STARD13: variants seen among roughly 807,000 people sequenced by gnomAD.
The protein encoded by STARD13 is stAR-related lipid transfer protein 13.
STARD13 carries 62 observed loss-of-function variants against 106.4 expected under a neutral mutation model. That is an observed-to-expected ratio of 0.58 (90% CI 0.48 to 0.72). STARD13 has a LOEUF of 0.72. Ranked by LOEUF, STARD13 falls within the 30% of genes least tolerant of loss-of-function variation. The pLI is 0.00. For synonymous variants in STARD13, 565 were observed against 553.0 expected, an observed-to-expected ratio of 1.02 and a Z score of -0.31; for missense variants, 1,387 against 1,424.0, an observed-to-expected ratio of 0.97 and a Z score of 0.42.
chr13:33,586,444 G>A, the STARD13 span, among the ~76,000 whole-genome samples: 1 of 152,176 alleles, frequency 6.6e-6, no homozygotes, highest in African/African-American at 2.4e-5. Context: ...TTTGGTGATG[G>A]TTGACATTCT....
At chr13:33,301,558 CTTTTTTTTTCTT>C (rs1566126828) in intron 1 of STARD13, among the ~76,000 whole-genome samples, 18 of 13,010 alleles carry the variant, frequency 1.4e-3, no homozygotes, top group Non-Finnish European at 3.9e-3. Context: ...GTTTCTTTTT[CTTTTTTTTTCTT>C]TTTTTTTTTT....
chr13:33,575,037 C>T, the STARD13 span, among the ~76,000 whole-genome samples: 1 of 151,534 alleles, frequency 6.6e-6, no homozygotes, highest in Non-Finnish European at 1.5e-5. Context: ...CTGCCCCAGC[C>T]TCCTGAGGAG....
At chr13:33,645,572 G>C in the STARD13 span, among the ~76,000 whole-genome samples, 1 of 152,104 alleles carries the variant, frequency 6.6e-6, no homozygotes, top group African/African-American at 2.4e-5. Context: ...TAGGAAGGAG[G>C]GCAGCACATT....
At chr13:33,213,543 C>T (rs1887845744) in intron 1 of STARD13, among the ~76,000 whole-genome samples, 2 of 152,204 alleles carry the variant, frequency 1.3e-5, no homozygotes, top group Admixed American at 1.3e-4. Flanking sequence ...GGAACCTACT[C>T]TGGCTCTCTC....
chr13:33,261,030 A>G (rs1890614770), intron 1 of STARD13, among the ~76,000 whole-genome samples: 1 of 152,180 alleles, frequency 6.6e-6, no homozygotes, highest in African/African-American at 2.4e-5. Flanking sequence ...TCATCTCTCA[A>G]TTTACAATCT....
chr13:33,524,264 A>T, the STARD13 span: 1 of 1,276,790 alleles, frequency 7.8e-7, no homozygotes, highest in Non-Finnish European at 1.0e-6. Flanking sequence ...GTTCCAGTTG[A>T]CATTTGGCTT....
the STARD13 span, among the ~76,000 whole-genome samples, chr13:33,498,605 T>C: frequency 6.6e-6 from 1 of 152,214 alleles, no homozygotes; most frequent in Non-Finnish European, 1.5e-5. Flanking sequence ...ACATATTAAA[T>C]GACAATTTAA....
chr13:33,236,517 A>C (rs1250871387), intron 1 of STARD13, among the ~76,000 whole-genome samples: 1 of 152,242 alleles, frequency 6.6e-6, no homozygotes, highest in East Asian at 1.9e-4. Flanking sequence ...AAAGATTTCC[A>C]AACTTTGGAG....
intron 12 of STARD13, among the ~76,000 whole-genome samples, chr13:33,107,566 C>T (rs928383609): frequency 1.3e-5 from 2 of 152,126 alleles, no homozygotes; most frequent in African/African-American, 4.8e-5. Context: ...TTATTGTCTT[C>T]ACATACTTGA....
the STARD13 span, among the ~76,000 whole-genome samples, chr13:33,563,219 G>GA: frequency 8.9e-5 from 13 of 146,206 alleles, 3 homozygotes; most frequent in East Asian, 4.1e-4. Context: ...CACAGAAATA[G>GA]AAAAAAAATC....
At chr13:33,578,956 C>T in the STARD13 span, among the ~76,000 whole-genome samples, 1 of 152,038 alleles carries the variant, frequency 6.6e-6, no homozygotes, top group African/African-American at 2.4e-5. Context: ...GAGATACCAC[C>T]TTACTCCAGC....
At chr13:33,464,331 T>A in the STARD13 span, among the ~76,000 whole-genome samples, 2 of 152,172 alleles carry the variant, frequency 1.3e-5, no homozygotes, top group Non-Finnish European at 2.9e-5. Context: ...CATTAAGATA[T>A]GTACAATGAA....
chr13:33,237,799 A>G (rs186054462), intron 1 of STARD13, among the ~76,000 whole-genome samples: 5 of 152,312 alleles, frequency 3.3e-5, no homozygotes, highest in Admixed American at 1.3e-4. Context: ...AACTATACCA[A>G]TTGGGTTGAG....
chr13:33,217,149 C>T (rs947555514), intron 1 of STARD13, among the ~76,000 whole-genome samples: 13 of 152,190 alleles, frequency 8.5e-5, no homozygotes, highest in African/African-American at 2.4e-5. Flanking sequence ...GGCCTCTGGA[C>T]ATGGTACTAT....
chr13:33,488,271 T>C, the STARD13 span, among the ~76,000 whole-genome samples: 1 of 152,166 alleles, frequency 6.6e-6, no homozygotes, highest in Non-Finnish European at 1.5e-5. Flanking sequence ...GAGGGCCACC[T>C]TAGAGGTCTA....
chr13:33,305,324 A>C (rs952186125), intron 1 of STARD13, among the ~76,000 whole-genome samples: 1 of 152,250 alleles, frequency 6.6e-6, no homozygotes. Flanking sequence ...ATCCAGAATG[A>C]GTTAAGCAGA....
rs1418430553 is a variant in STARD13 at position 33,110,057 on chromosome 13, C to A, written c.2863G>T (p.Ala955Ser). The stretch of plus-strand genomic sequence containing the variant: ...GGGGGTGCTTCCACCTCCACAGAAG[C>A]CTTCCACAGCTTCAGCGGGTTCCCG... ...GDGNPLKLWK[A>S]SVEVEAPPSV... Residue 955 changes from alanine to serine, a missense_variant, in exon 12 of 14, where the codon GCT (alanine) becomes TCT (serine). By Grantham distance (99) the Ala-to-Ser change is moderately conservative (BLOSUM62 1). Transcript: ENST00000336934. The A allele has an allele frequency of 1.9e-6, 3 of 1,614,102 alleles. No individual in the cohort carries two copies. In the Admixed American group the frequency reaches 5.0e-5, roughly 27 times the overall value.
Position 33,219,676 on chromosome 13 carries a change from A to G in STARD13, c.170-52054T>C, listed in dbSNP as rs1338726048. Among the ~76,000 whole-genome samples the G allele has an allele frequency of 2.6e-5, 4 of 151,732 alleles. No homozygotes were observed. In the South Asian group the frequency reaches 8.4e-4, roughly 32 times the overall value. On this transcript the variant is annotated intron_variant, in intron 1 of 13. Coordinates refer to ENST00000336934, the MANE Select transcript of STARD13 (RefSeq NM_178006.4). ...GCAAGACCCCTGGGCACGGTGGTGC[A>G]TGCCTGTAGTCCTAGCTACTTGGGA... is the stretch of plus-strand genomic sequence containing the variant.
intron 4 of STARD13, among the ~76,000 whole-genome samples, chr13:33,136,637 C>G (rs1879092234): frequency 6.6e-6 from 1 of 152,320 alleles, no homozygotes; most frequent in East Asian, 1.9e-4. Context: ...AATCAGCAGG[C>G]ACTCCCCCAT....
Sources: allele counts gnomAD v4.1 joint callset (sites outside exome capture counted in the v4.1 genomes callset), GRCh38; gene constraint gnomAD v4.1.1; transcripts MANE v1.5; gene names NCBI Gene and HGNC (gene_info 2026-07-23, HGNC 2026-07-21).